The following ADPRHL1 variants were observed in gnomAD, a reference collection of about 807,000 sequenced individuals.
ADPRHL1 encodes the protein ADP-ribosylhydrolase like 1, also known as inactive ADP-ribosyltransferase ARH2.
ADPRHL1 carries 43 observed loss-of-function variants against 44.1 expected under a neutral mutation model. The ratio of observed to expected loss-of-function variants is 0.98; its 90% CI spans 0.76 to 1.26. ADPRHL1 has a LOEUF of 1.26. Among genes scored for constraint, ADPRHL1 ranks in the 50% most tolerant of loss-of-function variants. The pLI, the probability that ADPRHL1 is intolerant of heterozygous loss-of-function variation, is 0.00. For missense variants in ADPRHL1, 2,022 were observed against 2,496.9 expected (o/e 0.81, Z 4.05); for synonymous variants, 878 against 1,017.4 (o/e 0.86, Z 2.61).
rs532183571 is a variant in ADPRHL1, at chr13:113,405,698, C to T, written c.3584G>A (p.Gly1195Asp). 121 of 1,231,822 alleles carry T rather than the reference C, an allele frequency of 9.8e-5. No individual in the cohort carries two copies. The highest frequency in any genetic ancestry group is 1.2e-4 in the Non-Finnish European group (118 of 988,142). The allele number at this position is 1,231,822 out of a possible 1,614,324, so 76.3% of individuals were successfully genotyped here. A position where few individuals can be genotyped will look rare whatever the true frequency, so the allele number is the denominator to read the frequency against. Residue 1195 changes from glycine to aspartate, a missense_variant, in exon 8 of 8, where the codon GGC (glycine) becomes GAC (aspartate). Coordinates refer to ENST00000612156, the MANE Select transcript of ADPRHL1 (RefSeq NM_001394807.1). ...SGAAGRSLLR[G>D]VALVQHPEDI... ...CTCTGGGTGCTGGACGAGGGCCACG[C>T]CTCTCAGGAGGCTCCTCCCTGCTGC...
chr13:113,433,768 C>T lies in ADPRHL1; in HGVS notation c.479G>A (p.Gly160Asp), dbSNP rs1208801449. ...TGTGGGATGGTTGTGGGTCATCCGG[C>T]CGCACTCCACGCTGACCTCGATGAG... The part of the protein sequence containing the change: ...ETLIEVSVEC[G>D]RMTHNHPTGF... The change falls in exon 3 of 8, where the codon GGC (glycine) becomes GAC (aspartate). Residue 160 changes from glycine (G) to aspartate (D), a missense_variant. Transcript: ENST00000612156. 5 of 1,595,422 alleles carry T rather than the reference C, an allele frequency of 3.1e-6. No individual in the cohort carries two copies. The highest frequency in any genetic ancestry group is 4.3e-6 in the Non-Finnish European group (5 of 1,172,912).
chr13:113,417,705 T>C (rs1405898087), intron 7 of ADPRHL1, among the ~76,000 whole-genome samples: 2 of 70,398 alleles, frequency 2.8e-5, no homozygotes, highest in East Asian at 4.7e-4. Flanking sequence ...AGTGAGCTGA[T>C]AACTTATTTC....
intron 7 of ADPRHL1, among the ~76,000 whole-genome samples, chr13:113,419,543 A>G (rs1330469295): frequency 6.6e-6 from 1 of 152,188 alleles, no homozygotes; most frequent in Non-Finnish European, 1.5e-5. Flanking sequence ...CCTAGAATGA[A>G]ATACAGCATC....
chr13:113,437,319 T>G (rs1378094367), intron 2 of ADPRHL1, among the ~76,000 whole-genome samples: 11 of 107,242 alleles, frequency 1.0e-4, no homozygotes, highest in South Asian at 3.2e-4. Flanking sequence ...GTGTACCCCA[T>G]GACCCAGCAC....
Position 113,405,668 on chromosome 13 carries a change from A to G in ADPRHL1, c.3614T>C (p.Ile1205Thr). The change falls in exon 8 of 8, where the codon ATT becomes ACT. Residue 1205 changes from isoleucine to threonine, a missense_variant. Ile to Thr is a moderately conservative substitution (Grantham distance 89). Transcript: ENST00000612156. The stretch of plus-strand genomic sequence containing the variant: ...CTCCGGGTGGCGGGCGAGGGTCGCA[A>G]TGTCCTCTGGGTGCTGGACGAGGGC... Reference protein sequence around the residue: ...GVALVQHPEDIATLARHPEDA... With the variant: ...GVALVQHPEDTATLARHPEDA... 1 of 1,232,742 alleles carries G rather than the reference A, an allele frequency of 8.1e-7. No individual in the cohort carries two copies. Among genetic ancestry groups the G allele is most frequent in the South Asian group, 4.1e-5 (1 of 24,356 alleles). 76.4% of individuals were successfully genotyped at this position (1,232,742 alleles called of 1,614,324 possible).
At chr13:113,410,607 T>C (rs2139600703) in intron 7 of ADPRHL1, among the ~76,000 whole-genome samples, 1 of 152,328 alleles carries the variant, frequency 6.6e-6, no homozygotes. Flanking sequence ...TTCTGAGTCA[T>C]TGGAGCCCAC....
rs978126675 is a variant in ADPRHL1 at position 113,405,924 on chromosome 13, C to T, written c.3358G>A (p.Val1120Ile). Residue 1120 changes from valine (V) to isoleucine (I), a missense_variant, in exon 8 of 8, where the codon GTT (valine) becomes ATT (isoleucine). Coordinates refer to ENST00000612156, the MANE Select transcript of ADPRHL1 (RefSeq NM_001394807.1). ...GGTGCAGGCGTGGCGCGGCTCGCAACGCTCCCTGCAGCTGCCATCGCCCCA... is the reference window on the plus strand; with the variant it reads ...GGTGCAGGCGTGGCGCGGCTCGCAATGCTCCCTGCAGCTGCCATCGCCCCA... ...ACGAMAAAGSVASRATPAPAP... is the reference protein window; with the variant it reads ...ACGAMAAAGSIASRATPAPAP... 35 of 1,231,922 alleles carry T rather than the reference C, an allele frequency of 2.8e-5. No individual in the cohort carries two copies. The highest frequency in any genetic ancestry group is 8.2e-5 in the South Asian group (2 of 24,328). The allele number at this position is 1,231,922 out of a possible 1,614,324, so 76.3% of individuals were successfully genotyped here.
In ADPRHL1 at chr13:113,403,720, C is replaced by T; in HGVS notation, c.5562G>A (p.Leu1854=). The change falls in exon 8 of 8, where the codon CTG becomes CTA. Residue 1854 remains leucine, a synonymous_variant. Transcript: ENST00000612156. Reference sequence around the variant, plus strand: ...GTGGGTACCCGGCGCTGGGCTCCCCCAGGCCACTGCCCCCTGACTGTCCAC... The same window carrying T: ...GTGGGTACCCGGCGCTGGGCTCCCCTAGGCCACTGCCCCCTGACTGTCCAC... ...RDGGQSGGSG[L]GEPSAGYPPP... is the part of the protein sequence containing the mutation. 8.1e-7 allele frequency: 1 copy of T among 1,232,180 alleles called. No homozygotes were observed. The highest frequency in any genetic ancestry group is 1.0e-6 in the Non-Finnish European group (1 of 988,376). 76.3% of individuals were successfully genotyped at this position (1,232,180 alleles called of 1,614,324 possible). A position where few individuals can be genotyped will look rare whatever the true frequency, so the allele number is the denominator to read the frequency against.
At chr13:113,419,255 A>G (rs1345344200) in intron 7 of ADPRHL1, among the ~76,000 whole-genome samples, 1 of 143,230 alleles carries the variant, frequency 7.0e-6, no homozygotes, top group East Asian at 2.0e-4. Flanking sequence ...TACAGGCGCC[A>G]ACACCATACC....
Position 113,425,106 on chromosome 13 carries a change from G to A in ADPRHL1, c.720C>T (p.Asp240=). The change falls in exon 5 of 8, where the codon GAC becomes GAT. Residue 240 remains aspartate, a synonymous_variant. Coordinates refer to ENST00000612156, the MANE Select transcript of ADPRHL1 (RefSeq NM_001394807.1). Reference sequence around the variant, plus strand: ...CGGGGAAGATGGCTTTATTTTCTGAGTCTTTACTGATTTTCCTCTCCTCCA... The same window carrying A: ...CGGGGAAGATGGCTTTATTTTCTGAATCTTTACTGATTTTCCTCTCCTCCA... ...FYLEERKISK[D]SENKAIFPDN... The A allele has an allele frequency of 1.2e-6, 2 of 1,613,602 alleles. No individual in the cohort carries two copies. The highest frequency in any genetic ancestry group is 1.7e-6 in the Non-Finnish European group (2 of 1,179,954).
rs927469987 is a variant in ADPRHL1 at position 113,408,088 on chromosome 13, G to A, written c.1194C>T (p.Gly398=). ...ILSSLLLYVT[G]RADRPPGTEA... ...CTGTCCCCGGGGGCCGGTCTGCGCG[G>A]CCCGTGACGTAGAGCAGCAGGCTGC... is the stretch of plus-strand genomic sequence containing the variant. Residue 398 remains glycine (G), a synonymous_variant, in exon 8 of 8, where the codon GGC becomes GGT. Coordinates refer to ENST00000612156, the MANE Select transcript of ADPRHL1 (RefSeq NM_001394807.1). 3.2e-6 allele frequency: 4 copies of A among 1,232,050 alleles called. No homozygotes were observed. The Admixed American group carries it at 1.3e-4, about 39-fold the overall frequency. The allele number at this position is 1,232,050 out of a possible 1,614,324, so 76.3% of individuals were successfully genotyped here.
chr13:113,420,541 G>GT (rs1428274050), intron 7 of ADPRHL1, among the ~76,000 whole-genome samples: 1 of 152,072 alleles, frequency 6.6e-6, no homozygotes, highest in African/African-American at 2.4e-5. Flanking sequence ...CCTTAATTGG[G>GT]TTTCTTTTCC....
rs545695337 is a variant in ADPRHL1 at position 113,409,845 on chromosome 13, C to A, written c.1062-1625G>T. The A allele has an allele frequency of 4.8e-4, 406 of 846,896 alleles. 2 individuals carry two copies. The African/African-American group carries it at 7.3e-3, about 15-fold the overall frequency. The allele number at this position is 846,896 out of a possible 1,614,324, so 52.5% of individuals were successfully genotyped here. On this transcript the variant is annotated intron_variant, in intron 7 of 7. Coordinates refer to ENST00000612156, the MANE Select transcript of ADPRHL1 (RefSeq NM_001394807.1). The surrounding 1 kb of genome is among the most constrained non-coding windows in gnomAD (Gnocchi z 4.2). ...CAGAGCTTGCAGTGAGCCGAGATCGCACCACTGCACTCCAGCCTGAGCGAC... is the reference window on the plus strand; with the variant it reads ...CAGAGCTTGCAGTGAGCCGAGATCGAACCACTGCACTCCAGCCTGAGCGAC...
intron 1 of ADPRHL1, among the ~76,000 whole-genome samples, chr13:113,450,955 C>G (rs1047867726): frequency 6.9e-6 from 1 of 145,766 alleles, no homozygotes; most frequent in Admixed American, 6.7e-5. Flanking sequence ...AAGGGAGACC[C>G]CCCCCCCCTT....
At chr13:113,438,362 C>T (rs573515402) in intron 2 of ADPRHL1, among the ~76,000 whole-genome samples, 2 of 152,266 alleles carry the variant, frequency 1.3e-5, no homozygotes, top group African/African-American at 4.8e-5. Context: ...ACCCATATAT[C>T]TTCTTTGGAG....
In ADPRHL1 at chr13:113,401,384, C is replaced by G. The variant is rs1341311610; in HGVS notation, c.*1994G>C. The G allele has an allele frequency of 6.6e-6, 1 of 152,356 alleles. No homozygotes were observed. The allele number at this position is 152,356 out of a possible 1,614,324, so 9.4% of individuals were successfully genotyped here. A position where few individuals can be genotyped will look rare whatever the true frequency, so the allele number is the denominator to read the frequency against. ...GAGAGAGGGGACCCTGTCCTCCTAGCAGGGGTCCAGCGGCACCACAGCAAG... is the reference window on the plus strand; with the variant it reads ...GAGAGAGGGGACCCTGTCCTCCTAGGAGGGGTCCAGCGGCACCACAGCAAG... On this transcript the variant is annotated 3_prime_UTR_variant, in exon 8 of 8. Transcript: ENST00000612156. The surrounding 1 kb of genome is among the most constrained non-coding windows in gnomAD (Gnocchi z 5.5).
At chr13:113,419,043 T>C in intron 7 of ADPRHL1, among the ~76,000 whole-genome samples, 2 of 150,434 alleles carry the variant, frequency 1.3e-5, no homozygotes, top group Non-Finnish European at 3.0e-5. Context: ...CCCCTCCCCT[T>C]CCCTTCCTTC....
At chr13:113,416,988 G>C (rs1034244829) in intron 7 of ADPRHL1, among the ~76,000 whole-genome samples, 41 of 152,250 alleles carry the variant, frequency 2.7e-4, no homozygotes, top group African/African-American at 9.9e-4. Context: ...GCAAAGGGGC[G>C]TGGGAGTTGT....
intron 2 of ADPRHL1, among the ~76,000 whole-genome samples, chr13:113,438,340 T>C (rs1171910161): frequency 6.6e-6 from 1 of 152,236 alleles, no homozygotes; most frequent in East Asian, 1.9e-4. Flanking sequence ...CATGATTTTG[T>C]GCTTATTGTC....
Sources: gnomAD v4.1 joint callset for allele counts (sites outside exome capture counted in the v4.1 genomes callset) on GRCh38, gnomAD v4.1.1 for gene constraint, Gnocchi (gnomAD v3.1) non-coding constraint, MANE v1.5 for transcripts, NCBI Gene and HGNC (gene_info 2026-07-23, HGNC 2026-07-21) for gene names.